Variants in KCNC2 observed in about 807,000 individuals in gnomAD.
KCNC2 encodes the protein voltage-gated potassium channel KCNC2.
Under a neutral mutation model 44.5 loss-of-function variants are expected in KCNC2, and 21 were observed. That is an observed-to-expected ratio of 0.47 (90% CI 0.33 to 0.68). The LOEUF (loss-of-function observed/expected upper bound fraction) is 0.68. KCNC2 is among the 30% of genes least tolerant of loss of function. KCNC2 has a pLI of 0.01. For missense variants in KCNC2, 589 were observed against 826.2 expected (o/e 0.71, Z 3.52); for synonymous variants, 391 against 339.1 (o/e 1.15, Z -1.68).
chr12:75,190,979 A>G (rs2030149198), intron 2 of KCNC2, among the ~76,000 whole-genome samples: 1 of 152,120 alleles, frequency 6.6e-6, no homozygotes, highest in African/African-American at 2.4e-5. Flanking sequence ...TAATATTTCA[A>G]TCAATAAGAA....
chr12:75,202,314 T>A (rs983323049), intron 2 of KCNC2, among the ~76,000 whole-genome samples: 2 of 151,898 alleles, frequency 1.3e-5, no homozygotes, highest in African/African-American at 2.4e-5. Flanking sequence ...GTATATTTAG[T>A]TGGCAATTAA....
At chr12:75,123,654 T>C (rs747435698) in intron 2 of KCNC2, among the ~76,000 whole-genome samples, 14 of 152,172 alleles carry the variant, frequency 9.2e-5, no homozygotes, top group Non-Finnish European at 1.8e-4. Context: ...CAACCCAGTA[T>C]AGTCTGAGTA....
chr12:75,084,370 C>A (rs565171449), intron 2 of KCNC2, among the ~76,000 whole-genome samples: 1 of 151,530 alleles, frequency 6.6e-6, no homozygotes, highest in African/African-American at 2.4e-5. Context: ...GGCTGTGTCC[C>A]CACCCAAATC....
intron 2 of KCNC2, among the ~76,000 whole-genome samples, chr12:75,074,229 T>C (rs548126214): frequency 1.8e-4 from 24 of 129,838 alleles, no homozygotes; most frequent in African/African-American, 6.4e-4. Context: ...AGACTACTCA[T>C]AGATTTTTTT....
rs76861587 is a variant in KCNC2 at position 75,056,197 on chromosome 12, A to T, written c.688-4880T>A. ...AAGAATAAATTATAAAATTCTGTTG[A>T]TTTGGTATGCAAAAATTCCACTGGA... On this transcript the variant is annotated intron_variant, in intron 2 of 4. Transcript: ENST00000549446. 2.9e-3 allele frequency among the ~76,000 whole-genome samples: 447 copies of T among 152,148 alleles called. 2 individuals are homozygous for T. Among genetic ancestry groups the T allele is most frequent in the African/African-American group, 9.9e-3 (413 of 41,542 alleles).
At chr12:75,190,451 C>T (rs1194079315) in intron 2 of KCNC2, among the ~76,000 whole-genome samples, 1 of 152,170 alleles carries the variant, frequency 6.6e-6, no homozygotes, top group East Asian at 1.9e-4. Context: ...TCCTTGGGGC[C>T]TTTCCAGATC....
intron 2 of KCNC2, among the ~76,000 whole-genome samples, chr12:75,067,390 T>C (rs898255419): frequency 6.6e-6 from 1 of 152,190 alleles, no homozygotes; most frequent in African/African-American, 2.4e-5. Context: ...AGTGTATTAA[T>C]TCATGTTTAA....
At chr12:75,122,698 T>C (rs913784346) in intron 2 of KCNC2, among the ~76,000 whole-genome samples, 4 of 152,114 alleles carry the variant, frequency 2.6e-5, no homozygotes, top group Non-Finnish European at 5.9e-5. Flanking sequence ...AACCAGCAAG[T>C]ACAAACATGT....
At chr12:75,105,546 C>T (rs1886715633) in intron 2 of KCNC2, among the ~76,000 whole-genome samples, 1 of 152,098 alleles carries the variant, frequency 6.6e-6, no homozygotes, top group Non-Finnish European at 1.5e-5. Flanking sequence ...TACATCTGAA[C>T]AAGTACTGGT....
intron 2 of KCNC2, among the ~76,000 whole-genome samples, chr12:75,158,117 T>C (rs910786622): frequency 6.6e-6 from 1 of 151,964 alleles, no homozygotes; most frequent in Non-Finnish European, 1.5e-5. Flanking sequence ...TGTTGTCTCA[T>C]AGCATTTAGT....
rs73355658 is a variant in KCNC2 at position 75,165,107 on chromosome 12, C to T, written c.687+42190G>A. Among the ~76,000 whole-genome samples the T allele has an allele frequency of 3.8e-3, 576 of 151,668 alleles. 7 individuals carry two copies. Among genetic ancestry groups the T allele is most frequent in the African/African-American group, 0.014 (561 of 41,456 alleles). On this transcript the variant is annotated intron_variant, in intron 2 of 4. Coordinates refer to ENST00000549446, the MANE Select transcript of KCNC2 (RefSeq NM_139137.4). ...GTCTCACAAATCCATCATACCTATC[C>T]ATGAAAAATTCTAAGGAGAACTGAT...
In KCNC2 at chr12:75,043,124, G is replaced by C. The variant is rs776943953; in HGVS notation, c.1898C>G (p.Pro633Arg). Residue 633 changes from proline to arginine, a missense_variant, in exon 5 of 5, where the codon CCC becomes CGC. By Grantham distance (103) the Pro-to-Arg change is moderately radical. Coordinates refer to ENST00000549446, the MANE Select transcript of KCNC2 (RefSeq NM_139137.4). ...TTTGGTTTACAAGATAGATGGGATGGGAGATCGAGAGCGCCTCAGAGGACA... is the reference window on the plus strand; with the variant it reads ...TTTGGTTTACAAGATAGATGGGATGCGAGATCGAGAGCGCCTCAGAGGACA... Reference protein sequence around the residue: ...SPCPLRRSRSPIPSIL With the variant: ...SPCPLRRSRSRIPSIL 3.8e-5 allele frequency: 61 copies of C among 1,612,104 alleles called. No homozygotes were observed. The highest frequency in any genetic ancestry group is 5.1e-5 in the Non-Finnish European group (60 of 1,178,836).
At chr12:75,056,957 G>A (rs1047328560) in intron 2 of KCNC2, among the ~76,000 whole-genome samples, 1 of 151,930 alleles carries the variant, frequency 6.6e-6, no homozygotes, top group Non-Finnish European at 1.5e-5. Context: ...TTTAGGAGTG[G>A]TTATAGCTGG....
chr12:75,069,665 G>A (rs780138735), intron 2 of KCNC2, among the ~76,000 whole-genome samples: 2 of 152,106 alleles, frequency 1.3e-5, no homozygotes, highest in Non-Finnish European at 2.9e-5. Context: ...AGGAAAGAAA[G>A]TCCTTTACTG....
chr12:75,173,736 G>T (rs1005865677), intron 2 of KCNC2, among the ~76,000 whole-genome samples: 8 of 151,732 alleles, frequency 5.3e-5, no homozygotes, highest in African/African-American at 1.5e-4. Context: ...TTCACAAAAT[G>T]CAAAAATAGA....
chr12:75,160,443 A>G (rs1347800397), intron 2 of KCNC2, among the ~76,000 whole-genome samples: 1 of 151,850 alleles, frequency 6.6e-6, no homozygotes, highest in African/African-American at 2.4e-5. Context: ...GAAACAGGCA[A>G]TGATGTCAAT....
chr12:75,074,316 A>G (rs1000091520), intron 2 of KCNC2, among the ~76,000 whole-genome samples: 1 of 148,518 alleles, frequency 6.7e-6, no homozygotes, highest in African/African-American at 2.5e-5. Context: ...CTATTTCCCA[A>G]GGAGAAAGTC....
chr12:75,075,061 G>GT (rs1883796300), intron 2 of KCNC2, among the ~76,000 whole-genome samples: 1 of 152,124 alleles, frequency 6.6e-6, no homozygotes, highest in Non-Finnish European at 1.5e-5. Flanking sequence ...GTAGAGGAAT[G>GT]TGAGTCTAGA....
Position 75,051,096 on chromosome 12 carries a change from A to G in KCNC2, c.909T>C (p.Phe303=). The change falls in exon 3 of 5, where the codon TTT becomes TTC. Residue 303 remains phenylalanine (F), a synonymous_variant. Transcript: ENST00000549446. ...TGATGAATTCAAGTTTATTGGGTGAAAAAACAATACGGACTAAAAATTCAA... is the reference window on the plus strand; with the variant it reads ...TGATGAATTCAAGTTTATTGGGTGAGAAAACAATACGGACTAAAAATTCAA... ...FTFEFLVRIV[F]SPNKLEFIKN... 1.2e-6 allele frequency: 2 copies of G among 1,613,662 alleles called. No homozygotes were observed. Among genetic ancestry groups the G allele is most frequent in the Non-Finnish European group, 1.7e-6 (2 of 1,179,666 alleles).
Sources: gnomAD v4.1 joint callset for allele counts (sites outside exome capture counted in the v4.1 genomes callset) on GRCh38, gnomAD v4.1.1 for gene constraint, MANE v1.5 for transcripts, NCBI Gene and HGNC (gene_info 2026-07-23, HGNC 2026-07-21) for gene names.